CAMTA1: variants seen among roughly 807,000 people sequenced by gnomAD.
CAMTA1 encodes the protein calmodulin-binding transcription activator 1.
In CAMTA1, 27 loss-of-function variants were observed where a neutral mutation model predicts 170.9. The observed-to-expected ratio is 0.16, with a 90% confidence interval of 0.12 to 0.22. The LOEUF (loss-of-function observed/expected upper bound fraction) is 0.22. Ranked by LOEUF, CAMTA1 falls within the 10% of genes least tolerant of loss-of-function variation. CAMTA1 has a pLI of 1.00. For missense variants in CAMTA1, 1,619 were observed against 2,217.2 expected (o/e 0.73, Z 5.42); for synonymous variants, 833 against 891.5 (o/e 0.93, Z 1.17).
intron 6 of CAMTA1, among the ~76,000 whole-genome samples, chr1:7,469,887 C>A (rs1249542629): frequency 6.6e-6 from 1 of 152,238 alleles, no homozygotes; most frequent in Non-Finnish European, 1.5e-5. Context: ...TCGGGCCAAG[C>A]GAGGAGAGGG....
intron 5 of CAMTA1, among the ~76,000 whole-genome samples, chr1:7,375,367 C>T (rs146277607): frequency 6.6e-6 from 1 of 152,344 alleles, no homozygotes; most frequent in East Asian, 1.9e-4. Context: ...CCATTGGCCA[C>T]ACCCTAGAGA....
In CAMTA1 at chr1:7,482,736, C is replaced by T. The variant is rs780551879; in HGVS notation, c.510+14835C>T. ...GGTTTCTTAGTTTGGAGACCAAGTT[C>T]TCAGAAAAACACTGTCGGTTCCAAA... On this transcript the variant is annotated intron_variant, in intron 6 of 22. Coordinates refer to ENST00000303635, the MANE Select transcript of CAMTA1 (RefSeq NM_015215.4). This position sits in a 1 kb window ranked among gnomAD's most constrained non-coding sequence, Gnocchi z 4.2. Among the ~76,000 whole-genome samples the T allele has an allele frequency of 3.3e-5, 5 of 152,188 alleles. No individual in the cohort carries two copies. The highest frequency in any genetic ancestry group is 1.2e-4 in the African/African-American group (5 of 41,444).
At chr1:7,544,138 C>T (rs1450731768) in intron 6 of CAMTA1, among the ~76,000 whole-genome samples, 1 of 152,188 alleles carries the variant, frequency 6.6e-6, no homozygotes, top group Non-Finnish European at 1.5e-5. Flanking sequence ...ATTGGACTTA[C>T]AGTTCCACAT....
chr1:6,938,502 T>C (rs1433256072), intron 3 of CAMTA1, among the ~76,000 whole-genome samples: 1 of 152,046 alleles, frequency 6.6e-6, no homozygotes, highest in East Asian at 1.9e-4. Context: ...CGTCTGGGGC[T>C]CTTGAAGGCT....
intron 3 of CAMTA1, among the ~76,000 whole-genome samples, chr1:6,990,785 G>GTCTC (rs373182830): frequency 4.9e-4 from 70 of 141,540 alleles, no homozygotes; most frequent in Admixed American, 2.5e-3. Flanking sequence ...CTCTCTCTCT[G>GTCTC]TCTCTCTCTC....
At chr1:7,376,186 A>T (rs2086831603) in intron 5 of CAMTA1, among the ~76,000 whole-genome samples, 1 of 152,250 alleles carries the variant, frequency 6.6e-6, no homozygotes, top group Non-Finnish European at 1.5e-5. Context: ...AATAGTAAGA[A>T]GGCAGCTCTT....
At chr1:6,799,129 G>A (rs776772119) in intron 1 of CAMTA1, among the ~76,000 whole-genome samples, 3 of 152,106 alleles carry the variant, frequency 2.0e-5, no homozygotes, top group Non-Finnish European at 4.4e-5. Context: ...AGGCTAGAGT[G>A]CCATCACAGC....
At chr1:7,713,466 A>T (rs770347839) in intron 11 of CAMTA1, among the ~76,000 whole-genome samples, 1 of 151,830 alleles carries the variant, frequency 6.6e-6, no homozygotes, top group South Asian at 2.1e-4. Flanking sequence ...AAAGTTTCAC[A>T]TAAGTTTAAG....
intron 6 of CAMTA1, among the ~76,000 whole-genome samples, chr1:7,631,499 G>A (rs533398452): frequency 2.6e-5 from 4 of 152,334 alleles, no homozygotes; most frequent in South Asian, 4.1e-4. Context: ...TGTGGAGCCC[G>A]AGACACAGCT....
At position 7,562,466 on chromosome 1, in the gene CAMTA1, T is replaced by C. The variant is rs2094970921; in HGVS notation, c.511-77934T>C. On this transcript the variant is annotated intron_variant, in intron 6 of 22. Transcript: ENST00000303635. This position sits in a 1 kb window ranked among gnomAD's most constrained non-coding sequence, Gnocchi z 4.8. Reference sequence around the variant, plus strand: ...AACTTCTGCCTGGCTCTCCGCATTCTTCCCCCAGGCTGGCAGACGGCTCTG... The same window carrying C: ...AACTTCTGCCTGGCTCTCCGCATTCCTCCCCCAGGCTGGCAGACGGCTCTG... 6.6e-6 allele frequency among the ~76,000 whole-genome samples: 1 copy of C among 152,168 alleles called. No individual in the cohort carries two copies. The highest frequency in any genetic ancestry group is 1.5e-5 in the Non-Finnish European group (1 of 68,026).
At position 6,971,356 on chromosome 1, in the gene CAMTA1, T is replaced by C. The variant is rs1692507728; in HGVS notation, c.235-119948T>C. ...AAAAAGGTAATCAAATAGCAGACGATCGGATTGTATCCGTGTCATTCTGCT... is the reference window on the plus strand; with the variant it reads ...AAAAAGGTAATCAAATAGCAGACGACCGGATTGTATCCGTGTCATTCTGCT... On this transcript the variant is annotated intron_variant, in intron 3 of 22. Coordinates refer to ENST00000303635, the MANE Select transcript of CAMTA1 (RefSeq NM_015215.4). This position sits in a 1 kb window ranked among gnomAD's most constrained non-coding sequence, Gnocchi z 4.6. Among the ~76,000 whole-genome samples the C allele has an allele frequency of 6.6e-6, 1 of 152,196 alleles. No individual in the cohort carries two copies. The highest frequency in any genetic ancestry group is 1.5e-5 in the Non-Finnish European group (1 of 68,034).
At chr1:7,000,171 C>T (rs1698006498) in intron 3 of CAMTA1, among the ~76,000 whole-genome samples, 2 of 152,200 alleles carry the variant, frequency 1.3e-5, no homozygotes, top group Non-Finnish European at 2.9e-5. Context: ...GAGTGGGGAG[C>T]TGGGCCACCG....
chr1:7,428,998 C>T (rs1557698657), intron 5 of CAMTA1, among the ~76,000 whole-genome samples: 1 of 152,228 alleles, frequency 6.6e-6, no homozygotes, highest in Non-Finnish European at 1.5e-5. Context: ...ATACCCAGCA[C>T]CTCTAATGGA....
chr1:7,085,148 G>T (rs374643422), intron 3 of CAMTA1, among the ~76,000 whole-genome samples: 18 of 152,312 alleles, frequency 1.2e-4, no homozygotes, highest in South Asian at 6.2e-4. Flanking sequence ...ATTTTAAAAT[G>T]ACACACGTGC....
intron 6 of CAMTA1, among the ~76,000 whole-genome samples, chr1:7,630,766 G>C (rs575004701): frequency 6.6e-6 from 1 of 152,176 alleles, no homozygotes; most frequent in African/African-American, 2.4e-5. Flanking sequence ...GCCAGCCATC[G>C]CTCAGAATCC....
chr1:7,047,279 A>G (rs1412912350), intron 3 of CAMTA1, among the ~76,000 whole-genome samples: 1 of 152,180 alleles, frequency 6.6e-6, no homozygotes, highest in African/African-American at 2.4e-5. Context: ...TGTCCTGACT[A>G]AAGGTTCAGG....
chr1:7,313,494 C>T (rs1182095415), intron 5 of CAMTA1, among the ~76,000 whole-genome samples: 1 of 152,182 alleles, frequency 6.6e-6, no homozygotes, highest in East Asian at 1.9e-4. Flanking sequence ...CTTCCTGTAA[C>T]CCTGTTAGAC....
At chr1:7,619,624 A>G (rs1444430797) in intron 6 of CAMTA1, among the ~76,000 whole-genome samples, 1 of 151,808 alleles carries the variant, frequency 6.6e-6, no homozygotes, top group East Asian at 1.9e-4. Flanking sequence ...TGCCAAACAC[A>G]CACAATGACA....
chr1:7,232,324 C>T (rs1662989812), intron 4 of CAMTA1, among the ~76,000 whole-genome samples: 3 of 152,198 alleles, frequency 2.0e-5, no homozygotes, highest in Admixed American at 2.0e-4. Flanking sequence ...GGCCGGCTCT[C>T]GCTTCCCCGG....
Sources: allele counts gnomAD v4.1 joint callset (sites outside exome capture counted in the v4.1 genomes callset), GRCh38; gene constraint gnomAD v4.1.1; non-coding constraint Gnocchi (gnomAD v3.1); transcripts MANE v1.5; gene names NCBI Gene and HGNC (gene_info 2026-07-23, HGNC 2026-07-21).